Variants in COL6A3 observed in about 807,000 individuals in gnomAD.
COL6A3 encodes the protein collagen alpha-3(VI) chain.
COL6A3 carries 137 observed loss-of-function variants against 274.1 expected under a neutral mutation model. That is an observed-to-expected ratio of 0.50 (90% CI 0.44 to 0.58). COL6A3 has a LOEUF of 0.58. COL6A3 is among the 20% of genes least tolerant of loss of function. The pLI, the probability that COL6A3 is intolerant of heterozygous loss-of-function variation, is 0.00. For synonymous variants in COL6A3, 1,650 were observed against 1,650.6 expected (o/e 1.00, Z 0.01); for missense variants, 3,950 against 4,124.9 (o/e 0.96, Z 1.16).
At chr2:237,348,177 C>T (rs1036586185) in intron 30 of COL6A3, among the ~76,000 whole-genome samples, 172 bp downstream of exon 30, 4 of 152,214 alleles carry the variant, frequency 2.6e-5, no homozygotes, top group African/African-American at 9.7e-5. Flanking sequence ...TTATGACCTC[C>T]ACTTGACAGA....
rs1159000538 is a variant in COL6A3 at position 237,365,788 on chromosome 2, G to T, written c.5748C>A (p.Asn1916Lys). Residue 1916 changes from asparagine to lysine, a missense_variant, in exon 12 of 44, where the codon AAC (asparagine) becomes AAA (lysine). Around this residue, in one of 5 missense-constraint regions of COL6A3, gnomAD observed 632 missense variants for 623.4 expected, o/e 1.01. Coordinates refer to ENST00000295550, the MANE Select transcript of COL6A3 (RefSeq NM_004369.4). Reference sequence around the variant, plus strand: ...GGACGTAGGGGTGCTGGCTGCGCATGTTCCGGAACTTCTCGAGCATCTCTG... The same window carrying T: ...GGACGTAGGGGTGCTGGCTGCGCATTTTCCGGAACTTCTCGAGCATCTCTG... Reference protein sequence around the residue: ...YQPEMLEKFRNMRSQHPYVLT... With the variant: ...YQPEMLEKFRKMRSQHPYVLT... 1 of 1,614,110 alleles carries T rather than the reference G, an allele frequency of 6.2e-7. No individual in the cohort carries two copies. The highest frequency in any genetic ancestry group is 8.5e-7 in the Non-Finnish European group (1 of 1,180,056).
At chr2:237,392,403 C>T (rs1251390194) in intron 3 of COL6A3, among the ~76,000 whole-genome samples, 1 of 152,236 alleles carries the variant, frequency 6.6e-6, no homozygotes, top group Non-Finnish European at 1.5e-5. Flanking sequence ...TGCAATTCTT[C>T]TGCTGTCCCT....
chr2:237,377,082 C>T lies in COL6A3; in HGVS notation c.2760G>A (p.Leu920=). 1 of 1,614,208 alleles carries T rather than the reference C, an allele frequency of 6.2e-7. No individual in the cohort carries two copies. Among genetic ancestry groups the T allele is most frequent in the Non-Finnish European group, 8.5e-7 (1 of 1,180,038 alleles). ...CAAAAATGTACCTCTGTGCATAGTC[C>T]AGCGCGTAGCCCAGGTTGAGGGCTT... The part of the protein sequence containing the change: ...TGKALNLGYA[L]DYAQRYIFVK... Residue 920 remains leucine, a synonymous_variant, in exon 7 of 44, where the codon CTG becomes CTA. Coordinates refer to ENST00000295550, the MANE Select transcript of COL6A3 (RefSeq NM_004369.4).
chr2:237,367,637 C>T (rs1402056534), intron 10 of COL6A3, among the ~76,000 whole-genome samples: 1 of 152,192 alleles, frequency 6.6e-6, no homozygotes, highest in Admixed American at 6.5e-5. Flanking sequence ...TTTGTGATCT[C>T]AAGTGTTTTA....
chr2:237,348,745 G>A (rs1433774860), intron 28 of COL6A3, 82 bp from the exon 29 acceptor site: 1 of 1,236,808 alleles, frequency 8.1e-7, no homozygotes. Context: ...CGCTGCCCCT[G>A]AGAAGTGGAT....
intron 32 of COL6A3, 34 bp downstream of exon 32, chr2:237,346,469 C>T (rs1347270110): frequency 6.2e-7 from 1 of 1,604,360 alleles, no homozygotes; most frequent in Non-Finnish European, 8.5e-7. Flanking sequence ...CACCCAGCCC[C>T]AGGTGGCCGG....
chr2:237,334,111 ACAACAGC>A (rs1700405358), intron 41 of COL6A3, among the ~76,000 whole-genome samples: 2 of 152,146 alleles, frequency 1.3e-5, no homozygotes, highest in Non-Finnish European at 2.9e-5. Flanking sequence ...GCCCCTGGGG[ACAACAGC>A]CAGCCAAGGG....
In COL6A3 at chr2:237,381,434, T is replaced by C. The variant is rs1313386554; in HGVS notation, c.1378A>G (p.Asn460Asp). 3.7e-6 allele frequency: 6 copies of C among 1,611,986 alleles called. No homozygotes were observed. The highest frequency in any genetic ancestry group is 1.7e-5 in the Admixed American group (1 of 60,014). ...ATGAAGTCTCGGATGGCATTGAAGT[T>C]GGCCAGTCCCAGTGCAGATGAGCCA... ...VDGSSALGLANFNAIRDFIAK... is the reference protein window; with the variant it reads ...VDGSSALGLADFNAIRDFIAK... The change falls in exon 5 of 44, where the codon AAC (asparagine) becomes GAC (aspartate). Residue 460 changes from asparagine (N) to aspartate (D), a missense_variant. Transcript: ENST00000295550.
intron 24 of COL6A3, among the ~76,000 whole-genome samples, chr2:237,354,201 A>G (rs1398492727): frequency 1.3e-5 from 2 of 152,026 alleles, no homozygotes; most frequent in Non-Finnish European, 2.9e-5. Flanking sequence ...TATTTTTAGT[A>G]GAGACGGGGT....
At chr2:237,352,620 G>A (rs375908026) in intron 25 of COL6A3, 36 bp from the exon 26 acceptor site, 2 of 1,594,638 alleles carry the variant, frequency 1.3e-6, no homozygotes, top group Non-Finnish European at 1.7e-6. Context: ...GTGCTAATGA[G>A]GTGACTTTCC....
At chr2:237,330,470 T>A (rs557378593) in intron 42 of COL6A3, among the ~76,000 whole-genome samples, 2 of 152,286 alleles carry the variant, frequency 1.3e-5, no homozygotes, top group East Asian at 3.9e-4. Flanking sequence ...GAGTGAGATG[T>A]TTTTGTGGGG....
At position 237,344,759 on chromosome 2, in the gene COL6A3, C is replaced by T. The variant is rs772077690; in HGVS notation, c.7259G>A (p.Arg2420Gln). Reference sequence around the variant, plus strand: ...AATACTCAAGACCACATCTCGCATCCGGCCGAAAGTGTCTTGGTTGACTCC... The same window carrying T: ...AATACTCAAGACCACATCTCGCATCTGGCCGAAAGTGTCTTGGTTGACTCC... The part of the protein sequence containing the change: ...SEGVNQDTFG[R>Q]MRDVVLSIVN... Residue 2420 changes from arginine to glutamine, a missense_variant, in exon 36 of 44, where the codon CGG (arginine) becomes CAG (glutamine). Physicochemically the swap from Arg to Gln is conservative, Grantham distance 43. Around this residue, in one of 5 missense-constraint regions of COL6A3, gnomAD observed 1,284 missense variants for 1,349.7 expected, o/e 0.95. Transcript: ENST00000295550. The surrounding 1 kb of genome is among the most constrained non-coding windows in gnomAD (Gnocchi z 4.8). 1.4e-5 allele frequency: 23 copies of T among 1,600,892 alleles called. No individual in the cohort carries two copies. The East Asian group carries it at 2.5e-4, about 17-fold the overall frequency.
chr2:237,349,550 TAC>T (rs1244856049), intron 28 of COL6A3, among the ~76,000 whole-genome samples: 1 of 152,260 alleles, frequency 6.6e-6, no homozygotes, highest in African/African-American at 2.4e-5. Flanking sequence ...GGTCCTTTTA[TAC>T]AGTGTTAGGT....
chr2:237,393,745 C>T (rs565844930), intron 3 of COL6A3, among the ~76,000 whole-genome samples: 4 of 152,338 alleles, frequency 2.6e-5, no homozygotes, highest in Non-Finnish European at 4.4e-5. Context: ...TTGTCAAATT[C>T]CTTCCCCATT....
chr2:237,329,028 G>A (rs909807861), intron 42 of COL6A3: 1 of 152,158 alleles, frequency 6.6e-6, no homozygotes, highest in Non-Finnish European at 1.5e-5. Flanking sequence ...AGGGTACCAA[G>A]GAAACTTACC....
intron 1 of COL6A3, among the ~76,000 whole-genome samples, chr2:237,404,398 T>C (rs2078672163): frequency 6.6e-6 from 1 of 152,212 alleles, no homozygotes; most frequent in Admixed American, 6.5e-5. Context: ...ATGCAAATCT[T>C]CTGGAAGATC....
At chr2:237,380,560 A>T (rs2077976084) in intron 5 of COL6A3, among the ~76,000 whole-genome samples, 1 of 152,202 alleles carries the variant, frequency 6.6e-6, no homozygotes, top group African/African-American at 2.4e-5. Flanking sequence ...CATCCTGGTG[A>T]TGAGGAGGAG....
rs1468328255 is a variant in COL6A3 at position 237,368,850 on chromosome 2, T to G, written c.4613A>C (p.Asp1538Ala). ...CAGGACCAGGTGTTGGGGCACCCCG[T>G]CTTCTATGCGACTCCCCGCAGACTT... ...FVKSAGSRIE[D>A]GVPQHLVLVL... Residue 1538 changes from aspartate (D) to alanine (A), a missense_variant, in exon 10 of 44, where the codon GAC becomes GCC. Transcript: ENST00000295550. The surrounding 1 kb of genome is among the most constrained non-coding windows in gnomAD (Gnocchi z 4.4). 2 of 1,614,040 alleles carry G rather than the reference T, an allele frequency of 1.2e-6. No homozygotes were observed. The highest frequency in any genetic ancestry group is 2.7e-5 in the African/African-American group (2 of 74,914).
intron 3 of COL6A3, 44 bp downstream of exon 3, chr2:237,394,543 C>T: frequency 6.2e-7 from 1 of 1,612,688 alleles, no homozygotes; most frequent in Non-Finnish European, 8.5e-7. Flanking sequence ...GCTCATCTCC[C>T]AAGAACAGCA....
Sources: allele counts gnomAD v4.1 joint callset (sites outside exome capture counted in the v4.1 genomes callset), GRCh38; gene constraint gnomAD v4.1.1; regional missense constraint gnomAD v4.1.1; non-coding constraint Gnocchi (gnomAD v3.1); transcripts MANE v1.5; gene names NCBI Gene and HGNC (gene_info 2026-07-23, HGNC 2026-07-21).